COL13A1: variants seen among roughly 807,000 people sequenced by gnomAD.
COL13A1 encodes the protein collagen type XIII alpha 1 chain.
In COL13A1, 89 loss-of-function variants were observed where a neutral mutation model predicts 130.9. The ratio of observed to expected loss-of-function variants is 0.68; its 90% confidence interval spans 0.57 to 0.81. The LOEUF is 0.81. Ranked by LOEUF, COL13A1 falls within the 30% of genes least tolerant of loss-of-function variation. COL13A1 has a pLI of 0.00. For missense variants in COL13A1, 879 were observed against 934.6 expected (o/e 0.94, Z 0.78); for synonymous variants, 402 against 341.6 (o/e 1.18, Z -1.95).
intron 10 of COL13A1, among the ~76,000 whole-genome samples, chr10:69,890,267 C>T (rs2134640571): frequency 6.6e-6 from 1 of 152,302 alleles, no homozygotes; most frequent in South Asian, 2.1e-4. Flanking sequence ...TCAGCAGGGA[C>T]TGATGGGCCA....
intron 39 of COL13A1, 181 bp from the exon 40 acceptor site, chr10:69,956,823 G>A (rs1006710488): frequency 8.0e-5 from 48 of 597,732 alleles, no homozygotes; most frequent in African/African-American, 5.0e-4. Flanking sequence ...TAAAATAGCC[G>A]GATTTGTTTC....
chr10:69,940,646 T>C (rs1004838815), intron 34 of COL13A1, among the ~76,000 whole-genome samples: 4 of 152,118 alleles, frequency 2.6e-5, no homozygotes, highest in African/African-American at 7.2e-5. Context: ...TTCCTTTCTG[T>C]ATCCCTTTCC....
chr10:69,802,684 T>G lies in COL13A1; in HGVS notation c.261T>G (p.Ala87=). 6.2e-7 allele frequency: 1 copy of G among 1,613,240 alleles called. No homozygotes were observed. The highest frequency in any genetic ancestry group is 8.5e-7 in the Non-Finnish European group (1 of 1,179,544). The change falls in exon 1 of 41, where the codon GCT becomes GCG. Residue 87 remains alanine, a synonymous_variant. Transcript: ENST00000645393. ...AERGEQQMET[A]ILGRVNQLLD... ...GCGGGGAGCAGCAAATGGAGACGGC[T>G]ATTTTGGGACGAGTCAATCAACTGC...
rs566170486 is a variant in COL13A1, at chr10:69,894,992, T to C, written c.657+291T>C. Among the ~76,000 whole-genome samples, 21 of 152,302 alleles carry C rather than the reference T, an allele frequency of 1.4e-4. No homozygotes were observed. The East Asian group carries it at 4.1e-3, about 30-fold the overall frequency. On this transcript the variant is annotated intron_variant, in intron 12 of 40. Transcript: ENST00000645393. ...GCCCCTCCCAGCTGTCACTCCATGG[T>C]GTTCCCTGACACCTCCATGAGCCTC...
chr10:69,913,408 A>G (rs776827650), intron 17 of COL13A1, among the ~76,000 whole-genome samples: 6 of 152,176 alleles, frequency 3.9e-5, no homozygotes, highest in Non-Finnish European at 8.8e-5. Context: ...CCCTCCAAAA[A>G]CCAAGACAGT....
intron 14 of COL13A1, among the ~76,000 whole-genome samples, chr10:69,901,714 T>G (rs1409351910): frequency 6.6e-6 from 1 of 152,060 alleles, no homozygotes; most frequent in Non-Finnish European, 1.5e-5. Flanking sequence ...GAGCCAGACT[T>G]GGTTTAGATC....
chr10:69,950,153 T>C (rs2069277030), intron 38 of COL13A1, among the ~76,000 whole-genome samples: 1 of 152,024 alleles, frequency 6.6e-6, no homozygotes, highest in African/African-American at 2.4e-5. Flanking sequence ...CCCCTCCCCC[T>C]CACCAGCTGT....
intron 2 of COL13A1, among the ~76,000 whole-genome samples, chr10:69,866,204 T>C (rs2058497983): frequency 6.6e-6 from 1 of 152,240 alleles, no homozygotes; most frequent in South Asian, 2.1e-4. Flanking sequence ...GTGACACCTA[T>C]GCAGCCGAGA....
intron 5 of COL13A1, among the ~76,000 whole-genome samples, chr10:69,876,297 T>C (rs1045904268): frequency 6.6e-6 from 1 of 152,092 alleles, no homozygotes; most frequent in Non-Finnish European, 1.5e-5. Flanking sequence ...ACAGCCCAAC[T>C]CCAAACCTGC....
At position 69,896,143 on chromosome 10, in the gene COL13A1, C is replaced by A. The variant is rs185075277; in HGVS notation, c.684+567C>A. ...TTCAAGGATAAAATCTCTCCTTGGC[C>A]TCTTTAAAAGCAGAGGAAACCCTTC... is the stretch of plus-strand genomic sequence containing the variant. On this transcript the variant is annotated intron_variant, in intron 13 of 40. Transcript: ENST00000645393. Among the ~76,000 whole-genome samples the A allele has an allele frequency of 2.4e-4, 37 of 152,264 alleles. No individual in the cohort carries two copies. The East Asian group carries it at 6.4e-3, about 26-fold the overall frequency.
chr10:69,823,583 G>A (rs760431291), intron 2 of COL13A1, among the ~76,000 whole-genome samples: 74 of 152,188 alleles, frequency 4.9e-4, no homozygotes, highest in Admixed American at 4.6e-3. Flanking sequence ...ACTCACCCAG[G>A]TCCCCAAGCC....
In COL13A1 at chr10:69,898,388, G is replaced by A. The variant is rs181797409; in HGVS notation, c.685-309G>A. Among the ~76,000 whole-genome samples, 91 of 152,310 alleles carry A rather than the reference G, an allele frequency of 6.0e-4. 1 individual carries two copies. The Middle Eastern group carries it at 0.01, about 17-fold the overall frequency. ...ATGTGGGAGCCACTGTCCCATTCCG[G>A]GGGCTGCTGGTCAACATCCCAAACT... On this transcript the variant is annotated intron_variant, in intron 13 of 40. Coordinates refer to ENST00000645393, the MANE Select transcript of COL13A1 (RefSeq NM_001368882.1).
At chr10:69,919,179 C>G in intron 20 of COL13A1, 91 bp downstream of exon 20, 1 of 1,554,446 alleles carries the variant, frequency 6.4e-7, no homozygotes, top group Non-Finnish European at 8.8e-7. Flanking sequence ...TCTTGGTCCC[C>G]CTGAGGCTGG....
chr10:69,893,185 T>C (rs1422203103), intron 10 of COL13A1, among the ~76,000 whole-genome samples: 1 of 152,182 alleles, frequency 6.6e-6, no homozygotes, highest in Non-Finnish European at 1.5e-5. Context: ...ACCCTGTCTC[T>C]ACAAAAAAAT....
chr10:69,889,358 G>GA, intron 9 of COL13A1, 56 bp from the exon 10 acceptor site: 3 of 1,584,204 alleles, frequency 1.9e-6, no homozygotes, highest in Non-Finnish European at 2.6e-6. Flanking sequence ...AGGACAGAGG[G>GA]TGGAACTTCT....
intron 2 of COL13A1, among the ~76,000 whole-genome samples, chr10:69,862,195 G>C (rs185394165): frequency 1.2e-4 from 19 of 152,320 alleles, no homozygotes; most frequent in Admixed American, 9.1e-4. Flanking sequence ...ATGGTGGGCT[G>C]TTCTGTGAAT....
At chr10:69,804,443 C>T (rs1440931208) in intron 1 of COL13A1, among the ~76,000 whole-genome samples, 1 of 152,066 alleles carries the variant, frequency 6.6e-6, no homozygotes, top group East Asian at 1.9e-4. Context: ...CATGCTCACT[C>T]CTTCCCTCCA....
intron 10 of COL13A1, among the ~76,000 whole-genome samples, chr10:69,893,403 GTGCCACATGGA>G (rs1484446063): frequency 6.6e-6 from 1 of 152,248 alleles, no homozygotes; most frequent in African/African-American, 2.4e-5. Context: ...TGGGCTGGGA[GTGCCACATGGA>G]TGGTCCCAAA....
intron 7 of COL13A1, among the ~76,000 whole-genome samples, chr10:69,882,388 G>C (rs531468553): frequency 6.7e-6 from 1 of 150,112 alleles, no homozygotes; most frequent in South Asian, 2.1e-4. Flanking sequence ...TGCTCCTCCC[G>C]GCCTCTGCCC....
Sources: gnomAD v4.1 joint callset for allele counts (sites outside exome capture counted in the v4.1 genomes callset) on GRCh38, gnomAD v4.1.1 for gene constraint, MANE v1.5 for transcripts, NCBI Gene and HGNC (gene_info 2026-07-23, HGNC 2026-07-21) for gene names.